HELQ: variants seen among roughly 807,000 people sequenced by gnomAD.
HELQ encodes the protein helicase POLQ-like.
In HELQ, 77 loss-of-function variants were observed where a neutral mutation model predicts 111.6. That is an observed-to-expected ratio of 0.69 (90% CI 0.57 to 0.83). The LOEUF is 0.83. Ranked by LOEUF, HELQ falls within the 40% of genes least tolerant of loss-of-function variation. The pLI is 0.00. For missense variants in HELQ, 1,200 were observed against 1,288.5 expected (o/e 0.93, Z 1.05); for synonymous variants, 438 against 454.7 (o/e 0.96, Z 0.47).
intron 13 of HELQ, 78 bp downstream of exon 13, chr4:83,427,485 T>C (rs1245891865): frequency 1.1e-5 from 14 of 1,237,624 alleles, no homozygotes; most frequent in African/African-American, 1.6e-5. Flanking sequence ...CAAAGCCTCA[T>C]CTCTAAAAAA....
At position 83,421,637 on chromosome 4, in the gene HELQ, T is replaced by C. The variant is rs1739689797; in HGVS notation, c.2875A>G (p.Met959Val). Residue 959 changes from methionine to valine, a missense_variant, in exon 15 of 18, where the codon ATG (methionine) becomes GTG (valine). Transcript: ENST00000295488. The part of the protein sequence containing the change: ...NIWTVSEKFN[M>V]PRGYIQNLLT... ...AGATTTTGTATATATCCTCGAGGCA[T>C]ATTAAATTTTTCAGATACAGTCCAA... The C allele has an allele frequency of 6.2e-7, 1 of 1,613,244 alleles. No homozygotes were observed. The highest frequency in any genetic ancestry group is 8.5e-7 in the Non-Finnish European group (1 of 1,179,416).
Position 83,416,911 on chromosome 4 carries a change from AAAAAAG to A in HELQ, c.3064-52_3064-47del, listed in dbSNP as rs765031825. On this transcript the variant is annotated intron_variant, in intron 16 of 17. Coordinates refer to ENST00000295488, the MANE Select transcript of HELQ (RefSeq NM_133636.5). ...CAGTAGGATAATAGTTTGGGATTAG[AAAAAAG>A]AAAATTAAGCACTTTACTGAAAAGA... The A allele has an allele frequency of 4.6e-6, 7 of 1,534,852 alleles. No homozygotes were observed. The South Asian group carries it at 8.7e-5, about 19-fold the overall frequency.
At chr4:83,452,779 T>A (rs1560560903) in intron 2 of HELQ, among the ~76,000 whole-genome samples, 2 of 152,300 alleles carry the variant, frequency 1.3e-5, no homozygotes, top group East Asian at 3.9e-4. Flanking sequence ...TAACACTGTG[T>A]TTAGACGTCT....
chr4:83,436,207 C>T (rs1249525882), intron 9 of HELQ, among the ~76,000 whole-genome samples: 1 of 151,920 alleles, frequency 6.6e-6, no homozygotes, highest in Non-Finnish European at 1.5e-5. Flanking sequence ...ATTGATAGAC[C>T]AAGGAATCAA....
At chr4:83,439,551 G>T (rs970446036) in intron 8 of HELQ, among the ~76,000 whole-genome samples, 2 of 151,562 alleles carry the variant, frequency 1.3e-5, no homozygotes, top group Admixed American at 6.6e-5. Context: ...AGTAGAGATG[G>T]GGTTTCACCG....
At chr4:83,420,740 G>A (rs1461032088) in intron 15 of HELQ, among the ~76,000 whole-genome samples, 2 of 151,980 alleles carry the variant, frequency 1.3e-5, no homozygotes, top group Non-Finnish European at 2.9e-5. Flanking sequence ...AGCTAAGATT[G>A]CGCCACTGTA....
chr4:83,414,443 C>T (rs1425011982), intron 17 of HELQ, among the ~76,000 whole-genome samples: 1 of 152,130 alleles, frequency 6.6e-6, no homozygotes, highest in Non-Finnish European at 1.5e-5. Flanking sequence ...CCCTTAGACG[C>T]CTGTTCAAAT....
intron 17 of HELQ, among the ~76,000 whole-genome samples, chr4:83,411,128 C>G (rs1396408321): frequency 7.0e-6 from 1 of 142,232 alleles, no homozygotes; most frequent in East Asian, 2.0e-4. Flanking sequence ...CCACTGCATT[C>G]CAGTTGGAGT....
At chr4:83,449,011 A>G (rs1190756568) in intron 2 of HELQ, 50 bp from the exon 3 acceptor site, 5 of 1,362,704 alleles carry the variant, frequency 3.7e-6, no homozygotes, top group Non-Finnish European at 5.0e-6. Flanking sequence ...CAAACTTTGA[A>G]ACTCAAAAGT....
At chr4:83,426,161 CT>C in intron 13 of HELQ, 69 bp from the exon 14 acceptor site, 2 of 758,942 alleles carry the variant, frequency 2.6e-6, no homozygotes, top group Non-Finnish European at 4.7e-6. Context: ...TCCAGTATTT[CT>C]TTTGATATCA....
At chr4:83,423,354 T>A (rs1719642736) in intron 14 of HELQ, among the ~76,000 whole-genome samples, 1 of 152,068 alleles carries the variant, frequency 6.6e-6, no homozygotes, top group Admixed American at 6.5e-5. Context: ...AAATGAGAAC[T>A]TACGGTGACA....
intron 14 of HELQ, among the ~76,000 whole-genome samples, chr4:83,422,967 A>G (rs1389778108): frequency 1.3e-5 from 2 of 152,204 alleles, no homozygotes; most frequent in African/African-American, 4.8e-5. Flanking sequence ...CCTGAAAGAG[A>G]TTGAAAAATG....
rs749116479 is a variant in HELQ at position 83,436,872 on chromosome 4, G to A, written c.2034C>T (p.Asn678=). 1.2e-6 allele frequency: 2 copies of A among 1,613,910 alleles called. No homozygotes were observed. The highest frequency in any genetic ancestry group is 1.7e-6 in the Non-Finnish European group (2 of 1,179,904). The change falls in exon 9 of 18, where the codon AAC becomes AAT. Residue 678 remains asparagine (N), a synonymous_variant. Coordinates refer to ENST00000295488, the MANE Select transcript of HELQ (RefSeq NM_133636.5). The part of the protein sequence containing the change: ...TCTSTLAAGV[N]LPARRVILRA... Reference sequence around the variant, plus strand: ...TTATCTCTTACCTTCGAGCTGGTAGGTTGACACCTGCCGCTAGGGTAGATG... The same window carrying A: ...TTATCTCTTACCTTCGAGCTGGTAGATTGACACCTGCCGCTAGGGTAGATG...
intron 5 of HELQ, among the ~76,000 whole-genome samples, chr4:83,445,763 T>A (rs1467617873): frequency 1.3e-5 from 2 of 152,198 alleles, no homozygotes; most frequent in Non-Finnish European, 2.9e-5. Flanking sequence ...GTTTTACAGA[T>A]AAAGAAACAT....
In HELQ at chr4:83,455,782, G is replaced by T; in HGVS notation, c.-89C>A. ...AAGGGAGAGTGGGACGCCGGAGCCC[G>T]CTTCTACATCCACCTTGGGAAAAGA... On this transcript the variant is annotated 5_prime_UTR_variant, in exon 1 of 18. Coordinates refer to ENST00000295488, the MANE Select transcript of HELQ (RefSeq NM_133636.5). 1 of 1,291,324 alleles carries T rather than the reference G, an allele frequency of 7.7e-7. No homozygotes were observed. Among genetic ancestry groups the T allele is most frequent in the Non-Finnish European group, 1.1e-6 (1 of 929,708 alleles). The allele number at this position is 1,291,324 out of a possible 1,614,324, so 80.0% of individuals were successfully genotyped here.
chr4:83,446,691 A>C, intron 4 of HELQ, 144 bp downstream of exon 4: 1 of 555,642 alleles, frequency 1.8e-6, no homozygotes. Flanking sequence ...CAAGCATAGA[A>C]TGTCTTCACC....
intron 14 of HELQ, among the ~76,000 whole-genome samples, chr4:83,425,668 TAGAA>T (rs1719812240): frequency 6.6e-6 from 1 of 152,188 alleles, no homozygotes; most frequent in Non-Finnish European, 1.5e-5. Flanking sequence ...TGATACCAAA[TAGAA>T]AGCCTAATAT....
rs770500359 is a variant in HELQ at position 83,441,421 on chromosome 4, T to A, written c.1564-18A>T. Reference sequence around the variant, plus strand: ...AACTCAACCTTGAATTAAAAGGACATTTGCAATTAATACGACATATAAATT... The same window carrying A: ...AACTCAACCTTGAATTAAAAGGACAATTGCAATTAATACGACATATAAATT... On this transcript the variant is annotated intron_variant, in intron 6 of 17. Transcript: ENST00000295488. The A allele has an allele frequency of 7.7e-6, 9 of 1,165,732 alleles. No individual in the cohort carries two copies. The African/African-American group carries it at 1.1e-4, about 14-fold the overall frequency. 72.2% of individuals were successfully genotyped at this position (1,165,732 alleles called of 1,614,324 possible).
intron 1 of HELQ, among the ~76,000 whole-genome samples, chr4:83,454,536 A>G (rs1263002422): frequency 6.6e-6 from 1 of 151,930 alleles, no homozygotes; most frequent in Non-Finnish European, 1.5e-5. Flanking sequence ...CAGCCTCCCA[A>G]GTAGCTAGGA....
Sources: gnomAD v4.1 joint callset for allele counts (sites outside exome capture counted in the v4.1 genomes callset) on GRCh38, gnomAD v4.1.1 for gene constraint, MANE v1.5 for transcripts, NCBI Gene and HGNC (gene_info 2026-07-23, HGNC 2026-07-21) for gene names.